Variants in VAV3 observed in about 807,000 individuals in gnomAD.
VAV3 encodes guanine nucleotide exchange factor VAV3.
A neutral mutation model predicts 131.2 loss-of-function variants in VAV3; 94 were observed. The observed-to-expected ratio is 0.72, with a 90% CI of 0.61 to 0.85. VAV3 has a LOEUF of 0.85. VAV3 is among the 40% of genes least tolerant of loss of function. The pLI is 0.00. For synonymous variants in VAV3, 349 were observed against 342.0 expected (o/e 1.02, Z -0.22); for missense variants, 939 against 1,002.7 (o/e 0.94, Z 0.86).
At chr1:107,876,957 T>C (rs969957152) in intron 1 of VAV3, among the ~76,000 whole-genome samples, 5 of 150,980 alleles carry the variant, frequency 3.3e-5, no homozygotes, top group Non-Finnish European at 5.9e-5. Flanking sequence ...GTTTTTTTAA[T>C]TTGCAGAAAG....
At chr1:107,723,678 A>T (rs963606120) in intron 15 of VAV3, among the ~76,000 whole-genome samples, 3 of 152,130 alleles carry the variant, frequency 2.0e-5, no homozygotes, top group Non-Finnish European at 4.4e-5. Flanking sequence ...CGCTAGTACC[A>T]TTAAGTACTG....
At chr1:107,877,389 C>A (rs984620691) in intron 1 of VAV3, among the ~76,000 whole-genome samples, 1 of 152,178 alleles carries the variant, frequency 6.6e-6, no homozygotes, top group Non-Finnish European at 1.5e-5. Context: ...ATTGCACACA[C>A]CACGCTCTGA....
At chr1:107,854,345 C>T (rs1669368496) in intron 2 of VAV3, among the ~76,000 whole-genome samples, 1 of 152,030 alleles carries the variant, frequency 6.6e-6, no homozygotes, top group Admixed American at 6.6e-5. Flanking sequence ...GCTAGGTTAA[C>T]AGACATAAGC....
chr1:107,790,444 T>G (rs968241095), intron 2 of VAV3, among the ~76,000 whole-genome samples: 1 of 152,052 alleles, frequency 6.6e-6, no homozygotes, highest in Non-Finnish European at 1.5e-5. Flanking sequence ...GTCACAAAAA[T>G]GCACATACGT....
intron 1 of VAV3, among the ~76,000 whole-genome samples, chr1:107,912,007 T>C (rs2101121443): frequency 6.6e-6 from 1 of 152,352 alleles, no homozygotes; most frequent in Admixed American, 6.5e-5. Context: ...AGGGACTACA[T>C]GACTTGGAAG....
chr1:107,767,949 G>C (rs1664824644), intron 7 of VAV3, among the ~76,000 whole-genome samples: 1 of 152,176 alleles, frequency 6.6e-6, no homozygotes, highest in Non-Finnish European at 1.5e-5. Context: ...AAATCATAAG[G>C]AAGTAGGGTA....
intron 1 of VAV3, among the ~76,000 whole-genome samples, chr1:107,894,275 G>C (rs371370027): frequency 6.6e-6 from 1 of 151,992 alleles, no homozygotes; most frequent in Non-Finnish European, 1.5e-5. Context: ...TCACTGCAGA[G>C]AGCAAATTTT....
intron 1 of VAV3, among the ~76,000 whole-genome samples, chr1:107,914,945 A>C (rs968292755): frequency 6.6e-6 from 1 of 152,196 alleles, no homozygotes; most frequent in African/African-American, 2.4e-5. Context: ...TTACTTTGAA[A>C]ACTAAAGGGA....
chr1:107,671,835 C>T (rs78786795), intron 19 of VAV3, among the ~76,000 whole-genome samples: 2,906 of 152,054 alleles, frequency 0.019, 46 homozygotes, highest in Middle Eastern at 0.044. Context: ...TTGTTTAAAA[C>T]GTAATTTCCT....
chr1:107,578,525 C>T (rs1163900188), intron 25 of VAV3, among the ~76,000 whole-genome samples: 2 of 152,142 alleles, frequency 1.3e-5, no homozygotes, highest in African/African-American at 2.4e-5. Flanking sequence ...GATTTCTATC[C>T]TATGTCTGTG....
intron 17 of VAV3, among the ~76,000 whole-genome samples, chr1:107,698,489 G>A (rs1276855925): frequency 6.6e-6 from 1 of 152,220 alleles, no homozygotes; most frequent in African/African-American, 2.4e-5. Context: ...AATAGGTTAG[G>A]TGCATTGAAT....
chr1:107,844,330 A>G (rs994742127), intron 2 of VAV3, among the ~76,000 whole-genome samples: 1 of 152,220 alleles, frequency 6.6e-6, no homozygotes, highest in African/African-American at 2.4e-5. Flanking sequence ...CCCAAAGAAC[A>G]GGAGATTCCA....
intron 1 of VAV3, among the ~76,000 whole-genome samples, chr1:107,922,352 A>C (rs1672939221): frequency 6.6e-6 from 1 of 152,146 alleles, no homozygotes; most frequent in Non-Finnish European, 1.5e-5. Context: ...AGGGATTTTT[A>C]GGCATATTTT....
chr1:107,624,352 A>G (rs914677092), intron 20 of VAV3, among the ~76,000 whole-genome samples: 7 of 148,714 alleles, frequency 4.7e-5, no homozygotes, highest in Non-Finnish European at 7.4e-5. Context: ...ACATGATACA[A>G]TCCTAAATTA....
chr1:107,817,142 A>T (rs1239213673), intron 2 of VAV3, among the ~76,000 whole-genome samples: 1 of 152,242 alleles, frequency 6.6e-6, no homozygotes, highest in Non-Finnish European at 1.5e-5. Flanking sequence ...CTGGGGAAAG[A>T]CACATATCTG....
At chr1:107,955,072 C>T (rs1674742048) in intron 1 of VAV3, among the ~76,000 whole-genome samples, 1 of 152,122 alleles carries the variant, frequency 6.6e-6, no homozygotes, top group African/African-American at 2.4e-5. Context: ...AAATAGTTAA[C>T]ATCTATTGGG....
At chr1:107,799,045 G>C (rs1666701968) in intron 2 of VAV3, among the ~76,000 whole-genome samples, 2 of 152,042 alleles carry the variant, frequency 1.3e-5, no homozygotes, top group Non-Finnish European at 2.9e-5. Context: ...AGCTTATCAG[G>C]AAAAAGTGGT....
intron 2 of VAV3, among the ~76,000 whole-genome samples, chr1:107,789,893 G>A (rs1360849754): frequency 6.6e-6 from 1 of 152,156 alleles, no homozygotes; most frequent in Admixed American, 6.5e-5. Flanking sequence ...TACAGCTCAT[G>A]TCAATACAGA....
At chr1:107,872,199 A>G (rs186553257) in intron 2 of VAV3, among the ~76,000 whole-genome samples, 1 of 152,102 alleles carries the variant, frequency 6.6e-6, no homozygotes, top group African/African-American at 2.4e-5. Context: ...CTATCCAAGC[A>G]CCTCCCCATG....
Sources: allele counts gnomAD v4.1 joint callset (sites outside exome capture counted in the v4.1 genomes callset), GRCh38; gene constraint gnomAD v4.1.1; transcripts MANE v1.5; gene names NCBI Gene and HGNC (gene_info 2026-07-23, HGNC 2026-07-21).